The following SNCAIP variants were observed in gnomAD, a reference collection of about 807,000 sequenced individuals.
SNCAIP encodes the protein synuclein alpha interacting protein.
SNCAIP carries 43 observed loss-of-function variants against 86.7 expected under a neutral mutation model. That is an observed-to-expected ratio of 0.50 (90% CI 0.39 to 0.64). The LOEUF is 0.64. Ranked by LOEUF, SNCAIP falls within the 30% of genes least tolerant of loss-of-function variation. The pLI is 0.00. For missense variants in SNCAIP, 981 were observed against 1,103.1 expected (o/e 0.89, Z 1.57); for synonymous variants, 417 against 427.2 (o/e 0.98, Z 0.29).
Position 122,415,763 on chromosome 5 carries a change from C to A in SNCAIP, c.131-7105C>A, listed in dbSNP as rs559805198. On this transcript the variant is annotated intron_variant, in intron 3 of 10. Coordinates refer to ENST00000261368, the MANE Select transcript of SNCAIP (RefSeq NM_005460.4). The stretch of plus-strand genomic sequence containing the variant: ...CATACTGAGCCTGCTCACAGCTCTG[C>A]CCTGTTCCAGAGCATCTCAAATGGT... Among the ~76,000 whole-genome samples the A allele has an allele frequency of 2.6e-5, 4 of 152,306 alleles. No individual in the cohort carries two copies. In the East Asian group the frequency reaches 7.7e-4, roughly 29 times the overall value.
intron 10 of SNCAIP, chr5:122,454,526 A>G (rs2153013608): frequency 6.5e-6 from 1 of 152,750 alleles, no homozygotes; most frequent in East Asian, 1.9e-4. Context: ...TGGGAAAGGA[A>G]TAGAAAAAAA....
chr5:122,318,717 A>G (rs1752326921), intron 1 of SNCAIP, among the ~76,000 whole-genome samples: 1 of 152,146 alleles, frequency 6.6e-6, no homozygotes, highest in Admixed American at 6.5e-5. Context: ...ATACTTACTT[A>G]TTACTTGGTC....
At chr5:122,404,339 A>C (rs1318133270) in intron 3 of SNCAIP, among the ~76,000 whole-genome samples, 1 of 152,244 alleles carries the variant, frequency 6.6e-6, no homozygotes, top group Non-Finnish European at 1.5e-5. Context: ...GTAACAGTTA[A>C]GATTAAAGCA....
intron 1 of SNCAIP, among the ~76,000 whole-genome samples, chr5:122,326,606 CTTTTTTTTTTTTTTTTT>C (rs11297385): frequency 1.2e-4 from 5 of 42,130 alleles, no homozygotes; most frequent in East Asian, 5.3e-4. Flanking sequence ...GAAATGTCTC[CTTTTTTTTTTTTTTTTT>C]TTTTTTTTTT....
At chr5:122,373,724 T>C (rs1487819536) in intron 1 of SNCAIP, among the ~76,000 whole-genome samples, 1 of 152,224 alleles carries the variant, frequency 6.6e-6, no homozygotes, top group Non-Finnish European at 1.5e-5. Flanking sequence ...TCTGGTATCA[T>C]ATTGGATTCA....
At chr5:122,328,157 A>G (rs1754503509) in intron 1 of SNCAIP, among the ~76,000 whole-genome samples, 1 of 152,362 alleles carries the variant, frequency 6.6e-6, no homozygotes, top group East Asian at 1.9e-4. Context: ...CCATTGCAGT[A>G]AGAGAAAGCT....
At chr5:122,460,400 T>C (rs1239351747) in intron 10 of SNCAIP, among the ~76,000 whole-genome samples, 1 of 152,198 alleles carries the variant, frequency 6.6e-6, no homozygotes, top group African/African-American at 2.4e-5. Flanking sequence ...GGAGCCAGGA[T>C]TTGAACTCAG....
chr5:122,423,847 T>A, intron 4 of SNCAIP, 108 bp downstream of exon 4: 3 of 1,000,770 alleles, frequency 3.0e-6, no homozygotes, highest in Non-Finnish European at 4.4e-6. Context: ...GGTTTTTACT[T>A]AATCTTTACT....
intron 1 of SNCAIP, among the ~76,000 whole-genome samples, chr5:122,357,518 G>C (rs868633120): frequency 6.6e-6 from 1 of 152,042 alleles, no homozygotes; most frequent in African/African-American, 2.4e-5. Context: ...ACAGGCATGA[G>C]CCACCGTGCT....
intron 3 of SNCAIP, among the ~76,000 whole-genome samples, chr5:122,412,128 T>G (rs759948595): frequency 1.1e-4 from 17 of 152,052 alleles, no homozygotes; most frequent in Non-Finnish European, 1.9e-4. Flanking sequence ...GGGATATTAT[T>G]CCTTTTCTCC....
chr5:122,391,710 A>T (rs1216433934), intron 2 of SNCAIP, among the ~76,000 whole-genome samples: 1 of 152,238 alleles, frequency 6.6e-6, no homozygotes, highest in African/African-American at 2.4e-5. Flanking sequence ...GGACTGGACT[A>T]GCTGACTTTT....
In SNCAIP at chr5:122,391,116, A is replaced by G. The variant is rs1425757201; in HGVS notation, c.-19A>G. 2.5e-6 allele frequency: 4 copies of G among 1,603,822 alleles called. No individual in the cohort carries two copies. Among genetic ancestry groups the G allele is most frequent in the Middle Eastern group, 1.6e-4 (1 of 6,062 alleles). On this transcript the variant is annotated 5_prime_UTR_variant, in exon 2 of 11. Transcript: ENST00000261368. ...ATTTATAAGTATTTGACCGTACTCA[A>G]AATGTGCAAGGAAGAATAATGGAAG...
intron 1 of SNCAIP, chr5:122,371,744 A>G (rs1345467169): frequency 2.6e-5 from 4 of 152,202 alleles, no homozygotes; most frequent in Non-Finnish European, 5.9e-5. Context: ...GCTTTGAGCA[A>G]TCTGCTTTAC....
At chr5:122,328,550 T>A (rs1371733762) in intron 1 of SNCAIP, among the ~76,000 whole-genome samples, 1 of 152,218 alleles carries the variant, frequency 6.6e-6, no homozygotes, top group Admixed American at 6.5e-5. Flanking sequence ...AATATTATTG[T>A]CTCCTTTCCA....
intron 3 of SNCAIP, among the ~76,000 whole-genome samples, chr5:122,418,463 G>C (rs1177220988): frequency 6.6e-6 from 1 of 152,134 alleles, no homozygotes; most frequent in Non-Finnish European, 1.5e-5. Context: ...ATGTCACTAT[G>C]GTTGTAAATA....
chr5:122,319,428 A>C (rs937242972), intron 1 of SNCAIP, among the ~76,000 whole-genome samples: 2 of 152,194 alleles, frequency 1.3e-5, no homozygotes. Flanking sequence ...AGGCACAGAA[A>C]AGCTTGGTTT....
intron 1 of SNCAIP, among the ~76,000 whole-genome samples, chr5:122,361,611 T>C (rs1762230105): frequency 1.3e-5 from 2 of 152,200 alleles, no homozygotes; most frequent in African/African-American, 4.8e-5. Context: ...TTTACATCCC[T>C]ATGTAACCTT....
At chr5:122,401,947 G>A (rs1313550436) in intron 2 of SNCAIP, among the ~76,000 whole-genome samples, 3 of 152,158 alleles carry the variant, frequency 2.0e-5, no homozygotes, top group African/African-American at 2.4e-5. Context: ...CATGTGCCTC[G>A]AAATACAGAT....
chr5:122,399,450 A>G (rs1771314061), intron 2 of SNCAIP, among the ~76,000 whole-genome samples: 1 of 152,188 alleles, frequency 6.6e-6, no homozygotes, highest in South Asian at 2.1e-4. Flanking sequence ...AGTTTAAGCC[A>G]TCAGCCATTA....
Sources: gnomAD v4.1 joint callset for allele counts (sites outside exome capture counted in the v4.1 genomes callset) on GRCh38, gnomAD v4.1.1 for gene constraint, MANE v1.5 for transcripts, NCBI Gene and HGNC (gene_info 2026-07-23, HGNC 2026-07-21) for gene names.